The following PKD1L1 variants were observed in gnomAD, a reference collection of about 807,000 sequenced individuals.
The protein encoded by PKD1L1 is polycystin 1 like 1, transient receptor potential channel interacting.
PKD1L1 carries 236 observed loss-of-function variants against 323.4 expected under a neutral mutation model. That is an observed-to-expected ratio of 0.73 (90% CI 0.66 to 0.81). The LOEUF (loss-of-function observed/expected upper bound fraction) is 0.81. Among genes scored for constraint, PKD1L1 ranks in the 40% least tolerant of loss-of-function variants. The pLI is 0.00. For missense variants in PKD1L1, 3,320 were observed against 3,508.0 expected, an observed-to-expected ratio of 0.95 and a Z score of 1.35; for synonymous variants, 1,344 against 1,335.0, an observed-to-expected ratio of 1.01 and a Z score of -0.15.
At chr7:47,923,710 C>G (rs973851174) in intron 7 of PKD1L1, among the ~76,000 whole-genome samples, 1 of 151,708 alleles carries the variant, frequency 6.6e-6, no homozygotes, top group African/African-American at 2.4e-5. Flanking sequence ...TGATTAGAAG[C>G]CAACGCCATT....
chr7:47,960,811 C>G, the PKD1L1 span, among the ~76,000 whole-genome samples: 2 of 148,152 alleles, frequency 1.3e-5, no homozygotes, highest in Non-Finnish European at 3.0e-5. Flanking sequence ...AAATGAAAAT[C>G]AAAATCACAA....
chr7:47,939,776 T>C (rs1400813904), intron 3 of PKD1L1, among the ~76,000 whole-genome samples: 2 of 152,044 alleles, frequency 1.3e-5, no homozygotes, highest in Non-Finnish European at 2.9e-5. Context: ...ACTCCCCACC[T>C]GGGGGACAGC....
In PKD1L1 at chr7:47,915,490, G is replaced by T. The variant is rs754538052; in HGVS notation, c.1170C>A (p.Cys390Ter). The change falls in exon 8 of 57, where the codon TGC (cysteine) becomes TGA (stop). Residue 390 changes from cysteine (C) to a stop codon, truncating the protein, a stop_gained. Transcript: ENST00000289672. LOFTEE classifies it high-confidence loss of function. ...NVYLCQSENS[C>*]LEDSDPSNLG... ...GGTTACTGGGGTCTGAGTCTTCCAG[G>T]CAGCTGTTTTCACTTTGGCACAAGT... is the stretch of plus-strand genomic sequence containing the variant. 2 of 1,296,522 alleles carry T rather than the reference G, an allele frequency of 1.5e-6. No individual in the cohort carries two copies. The highest frequency in any genetic ancestry group is 2.2e-6 in the Non-Finnish European group (2 of 890,508). 80.3% of individuals were successfully genotyped at this position (1,296,522 alleles called of 1,614,324 possible). A position where few individuals can be genotyped will look rare whatever the true frequency, so the allele number is the denominator to read the frequency against.
intron 7 of PKD1L1, among the ~76,000 whole-genome samples, chr7:47,918,704 C>T (rs531719767): frequency 9.9e-5 from 15 of 152,208 alleles, no homozygotes; most frequent in African/African-American, 2.6e-4. Context: ...TGGAAATCAA[C>T]TCCAAAAGGA....
intron 39 of PKD1L1, 114 bp from the exon 40 acceptor site, chr7:47,834,499 C>T: frequency 2.4e-6 from 2 of 841,512 alleles, no homozygotes; most frequent in East Asian, 5.2e-5. Flanking sequence ...ACTCTTCCTT[C>T]CTGACTCAGC....
intron 41 of PKD1L1, among the ~76,000 whole-genome samples, chr7:47,832,302 A>T (rs1488101958): frequency 6.6e-6 from 1 of 152,140 alleles, no homozygotes; most frequent in African/African-American, 2.4e-5. Flanking sequence ...CCACGTGTCC[A>T]GTTTGTCTGG....
chr7:47,948,349 A>T lies in PKD1L1; in HGVS notation c.44+48T>A, dbSNP rs892998126. 9 of 1,606,634 alleles carry T rather than the reference A, an allele frequency of 5.6e-6. No homozygotes were observed. In the Admixed American group the frequency reaches 1.3e-4, roughly 24 times the overall value. On this transcript the variant is annotated intron_variant, in intron 1 of 56. Transcript: ENST00000289672. ...TTTGAAAGAAAATTTCTGAATGCATACTTTAAAATCAAGCTTACCAAACCC... is the reference window on the plus strand; with the variant it reads ...TTTGAAAGAAAATTTCTGAATGCATTCTTTAAAATCAAGCTTACCAAACCC...
At position 47,931,245 on chromosome 7, in the gene PKD1L1, C is replaced by T. The variant is rs761674742; in HGVS notation, c.596G>A (p.Cys199Tyr). ...CCCCGTGGCCACATCCTCCGCACAG[C>T]ACAGCAGTCTCAGGACACAGCAGGA... is the stretch of plus-strand genomic sequence containing the variant. Reference protein sequence around the residue: ...EASCCVLRLLCCAEDVATGLL... With the variant: ...EASCCVLRLLYCAEDVATGLL... The change falls in exon 6 of 57, where the codon TGC (cysteine) becomes TAC (tyrosine). Residue 199 changes from cysteine to tyrosine, a missense_variant. By Grantham distance (194) the Cys-to-Tyr change is radical. Coordinates refer to ENST00000289672, the MANE Select transcript of PKD1L1 (RefSeq NM_138295.5). 1 of 1,614,264 alleles carries T rather than the reference C, an allele frequency of 6.2e-7. No individual in the cohort carries two copies. Among genetic ancestry groups the T allele is most frequent in the Non-Finnish European group, 8.5e-7 (1 of 1,180,042 alleles).
chr7:47,878,115 C>T (rs774759809), intron 21 of PKD1L1, among the ~76,000 whole-genome samples: 8 of 152,118 alleles, frequency 5.3e-5, no homozygotes, highest in Non-Finnish European at 7.4e-5. Context: ...TACACACGTA[C>T]GTACAGCTTC....
the PKD1L1 span, among the ~76,000 whole-genome samples, chr7:47,955,973 T>C: frequency 2.6e-5 from 4 of 152,188 alleles, no homozygotes; most frequent in Admixed American, 1.3e-4. Flanking sequence ...CCCTCCCTAT[T>C]ACAATCCGTA....
intron 53 of PKD1L1, among the ~76,000 whole-genome samples, chr7:47,801,918 G>A (rs1361612073): frequency 1.2e-4 from 19 of 152,072 alleles, no homozygotes; most frequent in African/African-American, 3.1e-4. Flanking sequence ...TTGGCTGGGC[G>A]TGGTGGCTCA....
chr7:47,900,397 C>T (rs1055137805), intron 13 of PKD1L1, among the ~76,000 whole-genome samples: 1 of 152,144 alleles, frequency 6.6e-6, no homozygotes, highest in African/African-American at 2.4e-5. Context: ...CATACACTTG[C>T]AGAACAATGT....
chr7:47,951,913 G>A (rs1449880049), upstream of PKD1L1, among the ~76,000 whole-genome samples: 2 of 152,080 alleles, frequency 1.3e-5, no homozygotes, highest in Admixed American at 1.3e-4. Flanking sequence ...TCCAAATGGA[G>A]CTTCCCGGGA....
intron 41 of PKD1L1, 37 bp downstream of exon 41, chr7:47,833,053 T>C (rs1165414647): frequency 2.5e-6 from 4 of 1,586,168 alleles, no homozygotes; most frequent in Non-Finnish European, 3.4e-6. Context: ...TCTGCTGGAC[T>C]GGCAGGAAGG....
intron 17 of PKD1L1, among the ~76,000 whole-genome samples, chr7:47,887,360 C>A: frequency 6.6e-6 from 1 of 152,226 alleles, no homozygotes; most frequent in East Asian, 1.9e-4. Context: ...AGCCACCTCT[C>A]TGATCACAAA....
At chr7:47,888,523 C>T (rs918849747) in intron 16 of PKD1L1, among the ~76,000 whole-genome samples, 2 of 152,266 alleles carry the variant, frequency 1.3e-5, no homozygotes, top group Non-Finnish European at 2.9e-5. Context: ...GTTGCCACCA[C>T]GTGATCCCTC....
At chr7:47,788,454 A>C (rs1238369243) in intron 56 of PKD1L1, among the ~76,000 whole-genome samples, 1 of 149,836 alleles carries the variant, frequency 6.7e-6, no homozygotes, top group East Asian at 2.0e-4. Flanking sequence ...TGCCGGGTTA[A>C]TTTTTGTTGG....
intron 27 of PKD1L1, among the ~76,000 whole-genome samples, chr7:47,858,194 C>T (rs1294474340): frequency 6.6e-6 from 1 of 152,076 alleles, no homozygotes; most frequent in Admixed American, 6.5e-5. Context: ...AAAGCACTGG[C>T]CATTTCATAA....
Position 47,890,760 on chromosome 7 carries a change from A to G in PKD1L1, c.2457T>C (p.Tyr819=), listed in dbSNP as rs1213883399. 1 of 1,612,064 alleles carries G rather than the reference A, an allele frequency of 6.2e-7. No homozygotes were observed. The highest frequency in any genetic ancestry group is 1.3e-5 in the African/African-American group (1 of 74,852). ...AGCCAGCGGTGGCGCATTCCCAGTG[A>G]TACCTGTTGGAGAAGTCATCGGAGT... ...DPDDPGATLR[Y]HWECATAGSP... The change falls in exon 16 of 57, where the codon TAT becomes TAC. Residue 819 remains tyrosine (Y), a synonymous_variant. Coordinates refer to ENST00000289672, the MANE Select transcript of PKD1L1 (RefSeq NM_138295.5).
Sources: allele counts gnomAD v4.1 joint callset (sites outside exome capture counted in the v4.1 genomes callset), GRCh38; gene constraint gnomAD v4.1.1; transcripts MANE v1.5; gene names NCBI Gene and HGNC (gene_info 2026-07-23, HGNC 2026-07-21).